NOX3: variants seen among roughly 807,000 people sequenced by gnomAD.
The protein encoded by NOX3 is NADPH oxidase catalytic subunit-like 3.
In NOX3, 74 loss-of-function variants were observed where a neutral mutation model predicts 76.7. That is an observed-to-expected ratio of 0.96 (90% CI 0.80 to 1.17). NOX3 has a LOEUF of 1.17. NOX3 is among the 50% of genes most tolerant of loss of function. The pLI, the probability that NOX3 is intolerant of heterozygous loss-of-function variation, is 0.00. For missense variants in NOX3, 695 were observed against 703.3 expected, an observed-to-expected ratio of 0.99 and a Z score of 0.13; for synonymous variants, 263 against 261.1, an observed-to-expected ratio of 1.01 and a Z score of -0.07.
intron 5 of NOX3, 150 bp from the exon 6 acceptor site, chr6:155,440,287 G>C: frequency 1.7e-6 from 1 of 599,388 alleles, no homozygotes; most frequent in Non-Finnish European, 2.7e-6. Flanking sequence ...TCAGAAGCAC[G>C]TTAGCCTCAG....
chr6:155,426,002 G>T (rs1776750506), intron 9 of NOX3, among the ~76,000 whole-genome samples: 1 of 152,154 alleles, frequency 6.6e-6, no homozygotes, highest in Admixed American at 6.5e-5. Flanking sequence ...ATTTGTCTGG[G>T]ATCCAAAGCA....
intron 4 of NOX3, among the ~76,000 whole-genome samples, chr6:155,451,503 C>T (rs1410049550): frequency 3.9e-5 from 6 of 152,146 alleles, no homozygotes; most frequent in South Asian, 4.1e-4. Context: ...ATTCATTATA[C>T]GTTTCTAATG....
At chr6:155,430,131 C>T (rs940571524) in intron 8 of NOX3, among the ~76,000 whole-genome samples, 4 of 152,164 alleles carry the variant, frequency 2.6e-5, no homozygotes, top group East Asian at 1.9e-4. Flanking sequence ...GCTTGGCTAA[C>T]GGAGAGTTTC....
At chr6:155,406,518 T>G (rs1776463268) in intron 12 of NOX3, among the ~76,000 whole-genome samples, 1 of 152,230 alleles carries the variant, frequency 6.6e-6, no homozygotes, top group Non-Finnish European at 1.5e-5. Flanking sequence ...CAGCTAGTGC[T>G]TCTTGCAAAC....
chr6:155,425,740 C>T (rs1776747290), intron 9 of NOX3, among the ~76,000 whole-genome samples: 2 of 152,184 alleles, frequency 1.3e-5, no homozygotes, highest in African/African-American at 4.8e-5. Flanking sequence ...ATACATTCTC[C>T]AAGATCACAC....
At chr6:155,428,073 G>A (rs571239382) in intron 9 of NOX3, among the ~76,000 whole-genome samples, 1,248 of 114,542 alleles carry the variant, frequency 0.011, 9 homozygotes, top group Non-Finnish European at 0.019. Flanking sequence ...GCTAATTTTT[G>A]TATTTTTAGT....
Position 155,426,984 on chromosome 6 carries a change from C to CGTGTGTGTGTGT in NOX3, c.1145+1798_1145+1809dup, listed in dbSNP as rs764029957. ...CCGAGAAAGCAGTTAGACACTGTGG[C>CGTGTGTGTGTGT]GTGTGTGTGTGTGTGTGTGTGTGTG... On this transcript the variant is annotated intron_variant, in intron 9 of 13. Coordinates refer to ENST00000159060, the MANE Select transcript of NOX3 (RefSeq NM_015718.3). 6.9e-3 allele frequency among the ~76,000 whole-genome samples: 288 copies of CGTGTGTGTGTGT among 41,894 alleles called. 13 individuals are homozygous for CGTGTGTGTGTGT. The East Asian group carries it at 0.071, about 10-fold the overall frequency. 27.5% of individuals were successfully genotyped at this position (41,894 alleles called of 152,430 possible). A position where few individuals can be genotyped will look rare whatever the true frequency, so the allele number is the denominator to read the frequency against.
In NOX3 at chr6:155,401,731, G is replaced by C. The variant is rs189072586; in HGVS notation, c.1581-4769C>G. Among the ~76,000 whole-genome samples, 11 of 150,438 alleles carry C rather than the reference G, an allele frequency of 7.3e-5. No homozygotes were observed. In the South Asian group the frequency reaches 8.4e-4, roughly 11 times the overall value. On this transcript the variant is annotated intron_variant, in intron 12 of 13. Coordinates refer to ENST00000159060, the MANE Select transcript of NOX3 (RefSeq NM_015718.3). Reference sequence around the variant, plus strand: ...GTTGGGTTAAACTGTTCTAACAAATGGTAGTACTCTTCTATTTTTTTTTCT... The same window carrying C: ...GTTGGGTTAAACTGTTCTAACAAATCGTAGTACTCTTCTATTTTTTTTTCT...
chr6:155,407,206 C>T lies in NOX3; in HGVS notation c.1504G>A (p.Gly502Ser), dbSNP rs1776476381. The T allele has an allele frequency of 6.2e-7, 1 of 1,613,814 alleles. No homozygotes were observed. The highest frequency in any genetic ancestry group is 1.1e-5 in the South Asian group (1 of 91,088). The change falls in exon 12 of 14, where the codon GGC becomes AGC. Residue 502 changes from glycine (G) to serine (S), a missense_variant. Transcript: ENST00000159060. Reference sequence around the variant, plus strand: ...CCATAGAAGGTCTTCTGCTTTAAGCCTGTAATCACGTCAGTATTTTCGTCC... The same window carrying T: ...CCATAGAAGGTCTTCTGCTTTAAGCTTGTAATCACGTCAGTATTTTCGTCC... Reference protein sequence around the residue: ...HWDENTDVITGLKQKTFYGRP... With the variant: ...HWDENTDVITSLKQKTFYGRP...
chr6:155,410,405 A>G (rs1417442017), intron 11 of NOX3, among the ~76,000 whole-genome samples: 1 of 152,122 alleles, frequency 6.6e-6, no homozygotes, highest in Non-Finnish European at 1.5e-5. Context: ...CCCAGGCTCA[A>G]ATACACTTTC....
rs1779125572 is a variant in NOX3 at position 155,395,451 on chromosome 6, G to A, written c.*151C>T. The A allele has an allele frequency of 6.6e-6, 1 of 152,092 alleles. No homozygotes were observed. The highest frequency in any genetic ancestry group is 1.5e-5 in the Non-Finnish European group (1 of 67,998). The allele number at this position is 152,092 out of a possible 1,614,324, so 9.4% of individuals were successfully genotyped here. ...TGTTATTTATAAGCTAAGGAAGTAT[G>A]GTATAGTGTACTGTTCACAATAGTT... On this transcript the variant is annotated 3_prime_UTR_variant, in exon 14 of 14. Transcript: ENST00000159060.
At chr6:155,442,127 G>A (rs1777000085) in intron 5 of NOX3, among the ~76,000 whole-genome samples, 2 of 152,188 alleles carry the variant, frequency 1.3e-5, no homozygotes, top group Non-Finnish European at 2.9e-5. Context: ...AGCTGGGCGT[G>A]GTGGCGGGTG....
intron 5 of NOX3, among the ~76,000 whole-genome samples, chr6:155,441,199 G>C (rs1776981491): frequency 6.6e-6 from 1 of 152,170 alleles, no homozygotes; most frequent in African/African-American, 2.4e-5. Flanking sequence ...CTATCGTTGA[G>C]ACGGCCATGA....
Position 155,440,011 on chromosome 6 carries a change from A to G in NOX3, c.613T>C (p.Tyr205His), listed in dbSNP as rs1009366774. 8.7e-6 allele frequency: 14 copies of G among 1,613,994 alleles called. No individual in the cohort carries two copies. Among genetic ancestry groups the G allele is most frequent in the African/African-American group, 1.3e-5 (1 of 74,910 alleles). Residue 205 changes from tyrosine (Y) to histidine (H), a missense_variant, in exon 6 of 14, where the codon TAC becomes CAC. Physicochemically the swap from Tyr to His is moderately conservative, Grantham distance 83. Coordinates refer to ENST00000159060, the MANE Select transcript of NOX3 (RefSeq NM_015718.3). ...IRQASYELFW[Y>H]THHVFIVFFL... is the part of the protein sequence containing the mutation. ...AAGACGATGAAAACATGGTGTGTGT[A>G]CCAGAACAACTCATAGGAGGCCTGT... is the stretch of plus-strand genomic sequence containing the variant.
intron 9 of NOX3, among the ~76,000 whole-genome samples, chr6:155,423,233 G>T (rs760238083): frequency 6.6e-6 from 1 of 152,178 alleles, no homozygotes; most frequent in Non-Finnish European, 1.5e-5. Flanking sequence ...TGCCATCAGA[G>T]GGAAAAATCT....
chr6:155,424,428 A>T (rs761585057), intron 9 of NOX3, among the ~76,000 whole-genome samples: 21 of 152,200 alleles, frequency 1.4e-4, no homozygotes, highest in Non-Finnish European at 2.8e-4. Context: ...AAATAACCTC[A>T]ACTATTCCAA....
chr6:155,443,206 C>T, intron 5 of NOX3, 67 bp downstream of exon 5: 1 of 1,465,492 alleles, frequency 6.8e-7, no homozygotes, highest in Non-Finnish European at 9.2e-7. Context: ...ATATAGCGTT[C>T]CTGATTAGAG....
At chr6:155,408,066 C>T (rs1216594815) in intron 11 of NOX3, among the ~76,000 whole-genome samples, 1 of 152,160 alleles carries the variant, frequency 6.6e-6, no homozygotes, top group East Asian at 1.9e-4. Context: ...GCAATCTCCA[C>T]CTCCTGAGTT....
chr6:155,399,477 C>T (rs1426593137), intron 12 of NOX3, among the ~76,000 whole-genome samples: 2 of 152,274 alleles, frequency 1.3e-5, no homozygotes, highest in South Asian at 2.1e-4. Flanking sequence ...CCATATCCGC[C>T]GTGGTGATGC....
Sources: gnomAD v4.1 joint callset for allele counts (sites outside exome capture counted in the v4.1 genomes callset) on GRCh38, gnomAD v4.1.1 for gene constraint, MANE v1.5 for transcripts, NCBI Gene and HGNC (gene_info 2026-07-23, HGNC 2026-07-21) for gene names.